GRM7: variants seen among roughly 807,000 people sequenced by gnomAD.
GRM7 encodes the protein metabotropic glutamate receptor 7.
GRM7 carries 35 observed loss-of-function variants against 84.5 expected under a neutral mutation model. The ratio of observed to expected loss-of-function variants is 0.41; its 90% confidence interval spans 0.32 to 0.55. GRM7 has a LOEUF of 0.55. Among genes scored for constraint, GRM7 ranks in the 20% least tolerant of loss-of-function variants. The pLI, the probability that GRM7 is intolerant of heterozygous loss-of-function variation, is 0.19. For synonymous variants in GRM7, 487 were observed against 455.1 expected, an observed-to-expected ratio of 1.07 and a Z score of -0.89; for missense variants, 1,003 against 1,194.6, an observed-to-expected ratio of 0.84 and a Z score of 2.36.
At chr3:7,242,444 T>C (rs562955240) in intron 2 of GRM7, among the ~76,000 whole-genome samples, 5 of 152,172 alleles carry the variant, frequency 3.3e-5, no homozygotes, top group Non-Finnish European at 5.9e-5. Flanking sequence ...GCATCTTGCT[T>C]TGAAAAATTT....
chr3:7,258,472 G>T (rs1254270435), intron 2 of GRM7, among the ~76,000 whole-genome samples: 1 of 152,140 alleles, frequency 6.6e-6, no homozygotes, highest in African/African-American at 2.4e-5. Flanking sequence ...GGGTACCAGA[G>T]AGCACACATC....
intron 4 of GRM7, among the ~76,000 whole-genome samples, chr3:7,413,264 C>T (rs1024460700): frequency 2.0e-5 from 3 of 152,156 alleles, no homozygotes; most frequent in South Asian, 4.1e-4. Context: ...TGTGCCTAAC[C>T]CAGAGAGCTG....
chr3:6,907,809 C>A (rs990543180), intron 1 of GRM7, among the ~76,000 whole-genome samples: 1 of 152,086 alleles, frequency 6.6e-6, no homozygotes, highest in African/African-American at 2.4e-5. Context: ...CCACAACAGT[C>A]CTCTTCATTC....
At chr3:7,267,558 T>TAGGTCC (rs1007947806) in intron 2 of GRM7, among the ~76,000 whole-genome samples, 2 of 152,214 alleles carry the variant, frequency 1.3e-5, no homozygotes, top group Admixed American at 1.3e-4. Context: ...GGGTTGGGTC[T>TAGGTCC]AGGTCCTGCT....
intron 5 of GRM7, among the ~76,000 whole-genome samples, chr3:7,425,859 T>A (rs1054474545): frequency 6.6e-6 from 1 of 152,312 alleles, no homozygotes; most frequent in East Asian, 1.9e-4. Flanking sequence ...GAAATCACTA[T>A]GACAAGTAGT....
chr3:7,498,647 A>G (rs978959124), intron 7 of GRM7, among the ~76,000 whole-genome samples: 1 of 152,208 alleles, frequency 6.6e-6, no homozygotes, highest in African/African-American at 2.4e-5. Flanking sequence ...GTGTGTGACC[A>G]GCAGTAGATT....
chr3:7,716,181 A>G (rs1004614964), intron 9 of GRM7, among the ~76,000 whole-genome samples: 1 of 152,120 alleles, frequency 6.6e-6, no homozygotes, highest in African/African-American at 2.4e-5. Flanking sequence ...CCTAGTTCAG[A>G]GACATATGGG....
chr3:7,695,219 GAAGTT>G (rs2125153921), intron 9 of GRM7, among the ~76,000 whole-genome samples: 1 of 152,274 alleles, frequency 6.6e-6, no homozygotes. Flanking sequence ...AAATAAAGCT[GAAGTT>G]AATTGCTGAG....
At position 7,022,213 on chromosome 3, in the gene GRM7, G is replaced by A. The variant is rs138229603; in HGVS notation, c.520-124239G>A. ...ATGGTGGTGCGCATGTGTAGTCCCA[G>A]CTACTCAGGAGCTGAGGTGGGACGA... On this transcript the variant is annotated intron_variant, in intron 1 of 9. Coordinates refer to ENST00000357716, the MANE Select transcript of GRM7 (RefSeq NM_000844.4). Among the ~76,000 whole-genome samples the A allele has an allele frequency of 9.5e-4, 145 of 151,994 alleles. 1 individual carries two copies. Among genetic ancestry groups the A allele is most frequent in the African/African-American group, 3.4e-3 (140 of 41,422 alleles).
At chr3:7,072,903 G>A (rs918505313) in intron 1 of GRM7, among the ~76,000 whole-genome samples, 17 of 152,104 alleles carry the variant, frequency 1.1e-4, no homozygotes, top group African/African-American at 1.9e-4. Flanking sequence ...GGCTAAAGTC[G>A]TAATAGATTC....
chr3:6,926,293 A>T (rs1697296055), intron 1 of GRM7, among the ~76,000 whole-genome samples: 1 of 152,200 alleles, frequency 6.6e-6, no homozygotes, highest in Admixed American at 6.5e-5. Context: ...TCATTTGTGC[A>T]TTCATTTGTG....
chr3:7,264,237 G>A (rs1228466602), intron 2 of GRM7, among the ~76,000 whole-genome samples: 1 of 152,138 alleles, frequency 6.6e-6, no homozygotes, highest in South Asian at 2.1e-4. Flanking sequence ...ATTCAGATCC[G>A]ACACTTTCTC....
intron 1 of GRM7, among the ~76,000 whole-genome samples, chr3:7,090,377 T>G (rs2125007948): frequency 6.6e-6 from 1 of 152,182 alleles, no homozygotes; most frequent in Middle Eastern, 3.4e-3. Context: ...TGATCTTGTC[T>G]TGAATAAGTG....
chr3:7,469,896 C>T (rs930519216), intron 7 of GRM7, among the ~76,000 whole-genome samples: 1 of 152,214 alleles, frequency 6.6e-6, no homozygotes, highest in Non-Finnish European at 1.5e-5. Context: ...AAACTGATTA[C>T]AGACAGCAGG....
At chr3:7,086,255 T>C (rs1349605143) in intron 1 of GRM7, among the ~76,000 whole-genome samples, 2 of 152,134 alleles carry the variant, frequency 1.3e-5, no homozygotes, top group Non-Finnish European at 2.9e-5. Context: ...CCATGTCAAA[T>C]AACCCTTTAT....
At chr3:7,559,132 C>CTTTT (rs4054096) in intron 7 of GRM7, 5 of 134,602 alleles carry the variant, frequency 3.7e-5, no homozygotes, top group African/African-American at 1.4e-4. Flanking sequence ...TTAACAGTCG[C>CTTTT]TTTTTTTTTT....
intron 1 of GRM7, among the ~76,000 whole-genome samples, chr3:7,099,209 T>G (rs1043218184): frequency 6.7e-6 from 1 of 149,280 alleles, no homozygotes; most frequent in Non-Finnish European, 1.5e-5. Context: ...TATTATTATA[T>G]TGCATATAAT....
intron 7 of GRM7, among the ~76,000 whole-genome samples, chr3:7,541,861 C>T (rs918316513): frequency 5.9e-5 from 9 of 152,172 alleles, no homozygotes; most frequent in Admixed American, 2.6e-4. Context: ...TTTCACAATT[C>T]TCAAGGCTAG....
intron 2 of GRM7, among the ~76,000 whole-genome samples, chr3:7,250,380 T>C (rs1195411835): frequency 4.6e-5 from 4 of 86,828 alleles, no homozygotes; most frequent in Non-Finnish European, 8.8e-5. Flanking sequence ...ATTTTATAAA[T>C]TATTTAACTA....
Sources: gnomAD v4.1 joint callset for allele counts (sites outside exome capture counted in the v4.1 genomes callset) on GRCh38, gnomAD v4.1.1 for gene constraint, MANE v1.5 for transcripts, NCBI Gene and HGNC (gene_info 2026-07-23, HGNC 2026-07-21) for gene names.